THSD7B: variants seen among roughly 807,000 people sequenced by gnomAD.
The protein encoded by THSD7B is thrombospondin type 1 domain containing 7B.
Under a neutral mutation model 213.6 loss-of-function variants are expected in THSD7B, and 138 were observed. That is an observed-to-expected ratio of 0.65 (90% confidence interval 0.56 to 0.74). THSD7B has a LOEUF of 0.74. THSD7B is among the 30% of genes least tolerant of loss of function. The pLI is 0.00. For synonymous variants in THSD7B, 742 were observed against 687.0 expected, an observed-to-expected ratio of 1.08 and a Z score of -1.25; for missense variants, 1,931 against 1,991.5, an observed-to-expected ratio of 0.97 and a Z score of 0.58.
intron 17 of THSD7B, among the ~76,000 whole-genome samples, chr2:137,598,317 T>G (rs529951851): frequency 2.4e-4 from 37 of 152,284 alleles, no homozygotes; most frequent in Admixed American, 2.0e-3. Context: ...AAATCTAGAA[T>G]ATAGAATCAG....
chr2:137,141,151 C>A (rs909112701), intron 5 of THSD7B, among the ~76,000 whole-genome samples: 10 of 152,038 alleles, frequency 6.6e-5, no homozygotes, highest in Non-Finnish European at 1.3e-4. Flanking sequence ...TGGTCCCTTA[C>A]CAGGGCCAGA....
At chr2:137,608,915 A>G (rs1179505346) in intron 17 of THSD7B, among the ~76,000 whole-genome samples, 1 of 152,224 alleles carries the variant, frequency 6.6e-6, no homozygotes, top group Non-Finnish European at 1.5e-5. Flanking sequence ...GTTTGCATTG[A>G]TGTTATAGTA....
intron 21 of THSD7B, among the ~76,000 whole-genome samples, chr2:137,647,188 T>C (rs970287598): frequency 6.6e-6 from 1 of 152,160 alleles, no homozygotes; most frequent in Admixed American, 6.5e-5. Context: ...CCTGCTTTAC[T>C]CCTGCCTCTG....
intron 7 of THSD7B, among the ~76,000 whole-genome samples, chr2:137,192,228 T>C (rs1194464447): frequency 6.6e-6 from 1 of 152,170 alleles, no homozygotes; most frequent in Admixed American, 6.5e-5. Context: ...ATAAACAGCA[T>C]GTTTATTCAA....
chr2:137,569,741 A>G lies in THSD7B; in HGVS notation c.3273-2665A>G, dbSNP rs1433935627. On this transcript the variant is annotated intron_variant, in intron 16 of 27. Coordinates refer to ENST00000409968, the MANE Select transcript of THSD7B (RefSeq NM_001316349.2). Reference sequence around the variant, plus strand: ...AGCCCGTCTACTTTCCATTTCTTGTACTTGTCCTCTCCCATGTTCTCTGTC... The same window carrying G: ...AGCCCGTCTACTTTCCATTTCTTGTGCTTGTCCTCTCCCATGTTCTCTGTC... Among the ~76,000 whole-genome samples the G allele has an allele frequency of 3.3e-5, 5 of 151,954 alleles. No individual in the cohort carries two copies. The South Asian group carries it at 8.3e-4, about 25-fold the overall frequency.
At chr2:137,278,289 C>A (rs1682917501) in intron 12 of THSD7B, among the ~76,000 whole-genome samples, 1 of 152,032 alleles carries the variant, frequency 6.6e-6, no homozygotes, top group African/African-American at 2.4e-5. Flanking sequence ...GACCCTAAAG[C>A]CTTCCAGAGT....
At chr2:136,925,238 C>G (rs6712712) in intron 2 of THSD7B, among the ~76,000 whole-genome samples, 26,248 of 152,154 alleles carry the variant, frequency 0.17, 2,760 homozygotes, top group East Asian at 0.44. Context: ...AGTGGACATA[C>G]TGGTCTTGTT....
intron 1 of THSD7B, among the ~76,000 whole-genome samples, chr2:136,790,546 A>G (rs1681948706): frequency 6.6e-6 from 1 of 152,094 alleles, no homozygotes; most frequent in Non-Finnish European, 1.5e-5. Context: ...AGAGCTTTCA[A>G]TTATATACTG....
chr2:137,642,650 C>T lies in THSD7B; in HGVS notation c.3945+17C>T, dbSNP rs1553466292. The stretch of plus-strand genomic sequence containing the variant: ...AAATTGGAGGTAGGTCATGTAATGA[C>T]AGTTAGAGAAATATTCATCAGTATA... On this transcript the variant is annotated intron_variant, in intron 21 of 27. Transcript: ENST00000409968. The T allele has an allele frequency of 1.9e-6, 3 of 1,611,906 alleles. No individual in the cohort carries two copies. Among genetic ancestry groups the T allele is most frequent in the East Asian group, 2.2e-5 (1 of 44,868 alleles).
At chr2:136,873,670 G>A (rs888288988) in intron 1 of THSD7B, among the ~76,000 whole-genome samples, 3 of 152,198 alleles carry the variant, frequency 2.0e-5, no homozygotes, top group Admixed American at 6.5e-5. Context: ...TATTGCTGGA[G>A]TGGAGTTCTG....
chr2:137,287,501 T>A (rs1395899040), intron 12 of THSD7B, among the ~76,000 whole-genome samples: 4 of 152,104 alleles, frequency 2.6e-5, no homozygotes, highest in Non-Finnish European at 5.9e-5. Context: ...ATTTGTGGCT[T>A]TTATGGTTGC....
At chr2:137,256,967 C>T (rs72852219) in intron 10 of THSD7B, among the ~76,000 whole-genome samples, 14,735 of 152,160 alleles carry the variant, frequency 0.097, 859 homozygotes, top group Non-Finnish European at 0.13. Flanking sequence ...AGCCTTCTTG[C>T]TCGTGGGGAG....
At chr2:137,607,848 A>G (rs1375493887) in intron 17 of THSD7B, among the ~76,000 whole-genome samples, 1 of 152,250 alleles carries the variant, frequency 6.6e-6, no homozygotes, top group Non-Finnish European at 1.5e-5. Context: ...CCTTAGTGTC[A>G]TAAAATATCA....
At chr2:136,824,915 T>C (rs1288711480) in intron 1 of THSD7B, among the ~76,000 whole-genome samples, 1 of 152,244 alleles carries the variant, frequency 6.6e-6, no homozygotes, top group Admixed American at 6.5e-5. Context: ...TATGTGTCTC[T>C]ATAACTCAAC....
At chr2:137,179,492 A>G (rs1680414999) in intron 7 of THSD7B, among the ~76,000 whole-genome samples, 1 of 152,104 alleles carries the variant, frequency 6.6e-6, no homozygotes, top group Non-Finnish European at 1.5e-5. Flanking sequence ...TGGTATGGCC[A>G]GTATGACTAG....
At chr2:137,276,303 C>T (rs1049361979) in intron 12 of THSD7B, among the ~76,000 whole-genome samples, 2 of 149,140 alleles carry the variant, frequency 1.3e-5, no homozygotes, top group African/African-American at 2.5e-5. Context: ...GTTCCAAATG[C>T]ATGTTAGATA....
At chr2:137,608,269 C>A (rs1682224307) in intron 17 of THSD7B, among the ~76,000 whole-genome samples, 1 of 152,036 alleles carries the variant, frequency 6.6e-6, no homozygotes. Flanking sequence ...TTCCTTGTGT[C>A]TGTTCCCTCT....
intron 12 of THSD7B, among the ~76,000 whole-genome samples, chr2:137,334,813 C>T (rs1052421849): frequency 1.3e-5 from 2 of 152,050 alleles, no homozygotes; most frequent in African/African-American, 2.4e-5. Flanking sequence ...TGTAATAATC[C>T]CCAAGTGTCA....
chr2:136,994,522 G>A (rs1042949546), intron 2 of THSD7B, among the ~76,000 whole-genome samples: 1 of 152,260 alleles, frequency 6.6e-6, no homozygotes, highest in Admixed American at 6.5e-5. Context: ...AGCTGAGATC[G>A]CACCACTGCA....
Sources: gnomAD v4.1 joint callset for allele counts (sites outside exome capture counted in the v4.1 genomes callset) on GRCh38, gnomAD v4.1.1 for gene constraint, MANE v1.5 for transcripts, NCBI Gene and HGNC (gene_info 2026-07-23, HGNC 2026-07-21) for gene names.